Variants in NAA15 observed in about 807,000 individuals in gnomAD.
The protein encoded by NAA15 is N-alpha-acetyltransferase 15, NatA auxiliary subunit.
A neutral mutation model predicts 114.0 loss-of-function variants in NAA15; 34 were observed. The ratio of observed to expected loss-of-function variants is 0.30; its 90% CI spans 0.23 to 0.40. The LOEUF (loss-of-function observed/expected upper bound fraction) is 0.40, where lower values mean the gene tolerates loss of function less well. Ranked by LOEUF, NAA15 falls within the 10% of genes least tolerant of loss-of-function variation. The pLI is 1.00. For missense variants in NAA15, 658 were observed against 1,004.5 expected, an observed-to-expected ratio of 0.66 and a Z score of 4.66; for synonymous variants, 340 against 338.0, an observed-to-expected ratio of 1.01 and a Z score of -0.06.
chr4:139,371,497 GCACACACACACACA>G (rs35581039), intron 15 of NAA15, among the ~76,000 whole-genome samples: 1,889 of 113,666 alleles, frequency 0.017, 50 homozygotes, highest in African/African-American at 0.054. Flanking sequence ...AAGAAAAGTA[GCACACACACACACA>G]CACACACACA....
At chr4:139,308,850 G>A (rs371434618) in intron 1 of NAA15, among the ~76,000 whole-genome samples, 9 of 151,862 alleles carry the variant, frequency 5.9e-5, no homozygotes, top group Middle Eastern at 3.4e-3. Flanking sequence ...TGCTTACCTC[G>A]GGTGATCCAC....
intron 16 of NAA15, among the ~76,000 whole-genome samples, chr4:139,378,214 T>TA (rs1029716947): frequency 6.6e-6 from 1 of 152,158 alleles, no homozygotes; most frequent in African/African-American, 2.4e-5. Flanking sequence ...CAGGTGGAGA[T>TA]ACTACTGAAT....
intron 5 of NAA15, 88 bp from the exon 6 acceptor site, chr4:139,344,098 A>T (rs894300106): frequency 2.5e-6 from 3 of 1,184,370 alleles, no homozygotes; most frequent in African/African-American, 1.6e-5. Flanking sequence ...TTATCCTTTG[A>T]CTTCTTACAT....
rs973190904 is a variant in NAA15 at position 139,359,842 on chromosome 4, C to G, written c.1357C>G (p.Leu453Val). The G allele has an allele frequency of 6.2e-7, 1 of 1,608,498 alleles. No individual in the cohort carries two copies. The highest frequency in any genetic ancestry group is 8.5e-7 in the Non-Finnish European group (1 of 1,178,990). The part of the protein sequence containing the change: ...FINSKCAKYM[L>V]KANLIKEAEE... ...CAACTCCAAATGTGCAAAATACATG[C>G]TAAAAGCCAACCTGATTAAAGAAGC... Residue 453 changes from leucine (L) to valine (V), a missense_variant, in exon 12 of 20, where the codon CTA becomes GTA. Around this residue, in one of 6 missense-constraint regions of NAA15, gnomAD observed 281 missense variants for 389.1 expected, o/e 0.72. Transcript: ENST00000296543.
At chr4:139,330,741 A>G (rs185621821) in intron 1 of NAA15, among the ~76,000 whole-genome samples, 14 of 152,298 alleles carry the variant, frequency 9.2e-5, no homozygotes, top group African/African-American at 3.4e-4. Flanking sequence ...AGGCTGAGGC[A>G]GGAGGATTGC....
At chr4:139,386,007 C>T (rs1328756868) in intron 18 of NAA15, 126 bp from the exon 19 acceptor site, 1 of 523,472 alleles carries the variant, frequency 1.9e-6, no homozygotes, top group Non-Finnish European at 3.4e-6. Context: ...AGTAGCTGTT[C>T]CCATTCTTCT....
intron 19 of NAA15, among the ~76,000 whole-genome samples, chr4:139,387,677 G>A (rs1431186762): frequency 6.6e-6 from 1 of 152,166 alleles, no homozygotes; most frequent in Non-Finnish European, 1.5e-5. Context: ...TCCCTGTTTA[G>A]CCTTTTGTAT....
At chr4:139,313,903 TA>T (rs1746300405) in intron 1 of NAA15, among the ~76,000 whole-genome samples, 1 of 151,958 alleles carries the variant, frequency 6.6e-6, no homozygotes, top group Non-Finnish European at 1.5e-5. Flanking sequence ...TGGAGATTCC[TA>T]AAAGTCGCTG....
At chr4:139,309,710 A>C (rs139627311) in intron 1 of NAA15, among the ~76,000 whole-genome samples, 45 of 152,334 alleles carry the variant, frequency 3.0e-4, no homozygotes, top group African/African-American at 1.1e-3. Context: ...ATGTTTTAAA[A>C]AATATTTTTT....
rs765697100 is a variant in NAA15 at position 139,359,751 on chromosome 4, A to AAAT, written c.1268_1270dup (p.Asn423dup). 1 of 1,600,630 alleles carries AAAT rather than the reference A, an allele frequency of 6.2e-7. No individual in the cohort carries two copies. The highest frequency in any genetic ancestry group is 8.5e-7 in the Non-Finnish European group (1 of 1,177,012). The stretch of plus-strand genomic sequence containing the variant: ...CTTTTGTACCTTATAAGCATGCTGG[A>AAAT]AATATTAAAGAAGCTGCAAGGTGGA... On this transcript the variant is annotated inframe_insertion, in exon 12 of 20. Coordinates refer to ENST00000296543, the MANE Select transcript of NAA15 (RefSeq NM_057175.5).
rs557007465 is a variant in NAA15 at position 139,383,366 on chromosome 4, T to C, written c.2156-1466T>C. On this transcript the variant is annotated intron_variant, in intron 17 of 19. Coordinates refer to ENST00000296543, the MANE Select transcript of NAA15 (RefSeq NM_057175.5). ...TGGCTTCAAAGCTCCAGACTCTCTC[T>C]TTATACCAAAATGATAATGAAACAA... is the stretch of plus-strand genomic sequence containing the variant. Among the ~76,000 whole-genome samples the C allele has an allele frequency of 2.2e-4, 33 of 152,334 alleles. No individual in the cohort carries two copies. The East Asian group carries it at 6.2e-3, about 28-fold the overall frequency.
At chr4:139,305,699 T>C (rs1221212970) in intron 1 of NAA15, among the ~76,000 whole-genome samples, 1 of 152,128 alleles carries the variant, frequency 6.6e-6, no homozygotes, top group East Asian at 1.9e-4. Flanking sequence ...CACACCTAGC[T>C]AATTTTGTAT....
chr4:139,365,368 AG>A (rs1484621654), intron 14 of NAA15, among the ~76,000 whole-genome samples: 6 of 152,184 alleles, frequency 3.9e-5, no homozygotes, highest in Non-Finnish European at 5.9e-5. Context: ...TCTGGAGTTT[AG>A]TATAGCATAG....
At chr4:139,343,874 G>T (rs564728258) in intron 5 of NAA15, among the ~76,000 whole-genome samples, 1 of 152,228 alleles carries the variant, frequency 6.6e-6, no homozygotes, top group African/African-American at 2.4e-5. Context: ...TCGCAAAATG[G>T]TGATTCTCTT....
intron 7 of NAA15, among the ~76,000 whole-genome samples, chr4:139,350,150 A>C (rs1310922014): frequency 6.6e-6 from 1 of 152,146 alleles, no homozygotes; most frequent in Admixed American, 6.5e-5. Context: ...AGCATCAAAA[A>C]CATGAAAGGA....
chr4:139,387,763 A>G, intron 19 of NAA15, 121 bp from the exon 20 acceptor site: 1 of 751,572 alleles, frequency 1.3e-6, no homozygotes, highest in South Asian at 1.8e-5. Flanking sequence ...GCAGGAGTAA[A>G]TAGCTAAATA....
intron 1 of NAA15, among the ~76,000 whole-genome samples, chr4:139,317,365 T>C (rs1176227136): frequency 1.3e-5 from 2 of 152,196 alleles, no homozygotes; most frequent in Admixed American, 1.3e-4. Flanking sequence ...GGCTGACGCC[T>C]GTAATCCCAG....
intron 14 of NAA15, among the ~76,000 whole-genome samples, chr4:139,365,160 C>G (rs1748242937): frequency 6.6e-6 from 1 of 152,172 alleles, no homozygotes. Flanking sequence ...GCCTCAGCCT[C>G]CCAAGTAGCT....
chr4:139,361,461 G>C (rs1748129190), intron 13 of NAA15, among the ~76,000 whole-genome samples: 1 of 152,178 alleles, frequency 6.6e-6, no homozygotes, highest in Non-Finnish European at 1.5e-5. Flanking sequence ...TTAAGGAAGG[G>C]ATAATGAATA....
Sources: gnomAD v4.1 joint callset for allele counts (sites outside exome capture counted in the v4.1 genomes callset) on GRCh38, gnomAD v4.1.1 for gene constraint, gnomAD v4.1.1 regional missense constraint, MANE v1.5 for transcripts, NCBI Gene and HGNC (gene_info 2026-07-23, HGNC 2026-07-21) for gene names.